IL1RAP: variants seen among roughly 807,000 people sequenced by gnomAD.
IL1RAP encodes the protein interleukin-1 receptor accessory protein.
IL1RAP carries 35 observed loss-of-function variants against 60.7 expected under a neutral mutation model. The observed-to-expected ratio is 0.58, with a 90% confidence interval of 0.44 to 0.76. The LOEUF (loss-of-function observed/expected upper bound fraction) is 0.76. IL1RAP is among the 30% of genes least tolerant of loss of function. The probability of loss-of-function intolerance (pLI) is 0.00; values close to 1 mark genes in which losing one functional copy is unlikely to be tolerated. For missense variants in IL1RAP, 572 were observed against 693.9 expected, an observed-to-expected ratio of 0.82 and a Z score of 1.97; for synonymous variants, 268 against 250.9, an observed-to-expected ratio of 1.07 and a Z score of -0.64.
At chr3:190,538,646 G>A (rs561822372) in intron 1 of IL1RAP, among the ~76,000 whole-genome samples, 2 of 152,236 alleles carry the variant, frequency 1.3e-5, no homozygotes, top group South Asian at 4.1e-4. Context: ...CATCATTGCT[G>A]TGGTTGGGTT....
intron 7 of IL1RAP, 140 bp downstream of exon 7, chr3:190,623,555 C>A: frequency 1.4e-6 from 1 of 691,812 alleles, no homozygotes; most frequent in Non-Finnish European, 2.5e-6. Flanking sequence ...GAAACCAAAG[C>A]AGCTGTGGAG....
chr3:190,589,229 G>A (rs1728733239), intron 3 of IL1RAP, among the ~76,000 whole-genome samples: 1 of 152,118 alleles, frequency 6.6e-6, no homozygotes, highest in South Asian at 2.1e-4. Flanking sequence ...TCCTTGGGAG[G>A]AGATACTGTT....
chr3:190,656,219 G>T, downstream of IL1RAP: 1 of 1,537,224 alleles, frequency 6.5e-7, no homozygotes, highest in Non-Finnish European at 8.7e-7. Flanking sequence ...AATGAGAGCT[G>T]CTCTTCCCAG....
At chr3:190,609,219 G>A in intron 5 of IL1RAP, 38 bp downstream of exon 5, 5 of 1,398,440 alleles carry the variant, frequency 3.6e-6, no homozygotes, top group Non-Finnish European at 4.9e-6. Context: ...CTCTCTAATG[G>A]CTTATAAAAT....
At chr3:190,577,349 A>T (rs1727582561) in intron 3 of IL1RAP, among the ~76,000 whole-genome samples, 1 of 152,084 alleles carries the variant, frequency 6.6e-6, no homozygotes, top group South Asian at 2.1e-4. Flanking sequence ...AGAACCAACT[A>T]TTCAATTTTT....
intron 1 of IL1RAP, among the ~76,000 whole-genome samples, chr3:190,543,723 T>C (rs1724136936): frequency 6.6e-6 from 1 of 152,172 alleles, no homozygotes; most frequent in Non-Finnish European, 1.5e-5. Flanking sequence ...TCTCTATTTG[T>C]ACCTGTGGTG....
chr3:190,586,391 T>A (rs569093550), intron 3 of IL1RAP, among the ~76,000 whole-genome samples: 91 of 152,300 alleles, frequency 6.0e-4, no homozygotes, highest in African/African-American at 2.2e-3. Flanking sequence ...AAGCCACAGT[T>A]CACCTTGCTT....
intron 3 of IL1RAP, among the ~76,000 whole-genome samples, chr3:190,582,010 A>C (rs530000554): frequency 5.1e-4 from 77 of 152,342 alleles, no homozygotes; most frequent in African/African-American, 1.8e-3. Flanking sequence ...GGAATAACAT[A>C]AGGAGGATAA....
At chr3:190,656,620 G>A (rs1338190613) in exon 12 of IL1RAP, 1 of 1,442,678 alleles carries the variant, frequency 6.9e-7, no homozygotes, top group African/African-American at 1.4e-5. Context: ...ACTGTGTGTG[G>A]TGGGTGGTGG....
At chr3:190,608,045 C>T (rs573998182) in intron 4 of IL1RAP, among the ~76,000 whole-genome samples, 16 of 152,262 alleles carry the variant, frequency 1.1e-4, no homozygotes, top group African/African-American at 3.6e-4. Flanking sequence ...ATAAATATGC[C>T]ATTCATGCCT....
intron 3 of IL1RAP, among the ~76,000 whole-genome samples, chr3:190,587,818 T>C (rs1728595419): frequency 6.6e-6 from 1 of 152,216 alleles, no homozygotes; most frequent in African/African-American, 2.4e-5. Context: ...GAGGACTGAC[T>C]CTGGAATCAG....
intron 11 of IL1RAP, among the ~76,000 whole-genome samples, chr3:190,647,039 G>T (rs766466335): frequency 3.4e-4 from 52 of 152,168 alleles, no homozygotes; most frequent in Non-Finnish European, 5.4e-4. Flanking sequence ...TCCAATAGGG[G>T]TTGATAATTC....
downstream of IL1RAP, among the ~76,000 whole-genome samples, chr3:190,655,649 G>C (rs1180593684): frequency 6.6e-6 from 1 of 151,248 alleles, no homozygotes; most frequent in East Asian, 2.0e-4. Context: ...TGCAATGAGG[G>C]TTTTGCAGTA....
intron 2 of IL1RAP, among the ~76,000 whole-genome samples, chr3:190,559,537 C>A (rs923869023): frequency 2.0e-5 from 3 of 152,118 alleles, no homozygotes; most frequent in African/African-American, 7.2e-5. Context: ...CCTCTAATCA[C>A]TACATTAGCT....
chr3:190,562,931 T>C (rs7619718), intron 2 of IL1RAP, among the ~76,000 whole-genome samples: 123,160 of 152,018 alleles, frequency 0.81, 49,926 homozygotes, highest in South Asian at 0.9. Flanking sequence ...AACAACAGCT[T>C]GTGATATGAC....
chr3:190,621,886 T>C (rs184997518), intron 6 of IL1RAP, among the ~76,000 whole-genome samples: 1 of 152,334 alleles, frequency 6.6e-6, no homozygotes, highest in East Asian at 1.9e-4. Flanking sequence ...TTGGAGCTCA[T>C]ACTTTTGAAG....
chr3:190,520,804 C>T (rs983357922), intron 1 of IL1RAP, among the ~76,000 whole-genome samples: 2 of 152,170 alleles, frequency 1.3e-5, no homozygotes, highest in African/African-American at 4.8e-5. Flanking sequence ...TCCTCCTCTG[C>T]CAATCAATGC....
chr3:190,627,215 T>G (rs1732367126), intron 7 of IL1RAP, 108 bp from the exon 8 acceptor site: 3 of 853,320 alleles, frequency 3.5e-6, no homozygotes, highest in African/African-American at 1.7e-5. Flanking sequence ...AATATAGCCA[T>G]GTGAAGGATA....
At chr3:190,647,935 G>T (rs1172308683) in intron 11 of IL1RAP, among the ~76,000 whole-genome samples, 1 of 152,078 alleles carries the variant, frequency 6.6e-6, no homozygotes, top group Non-Finnish European at 1.5e-5. Context: ...ATGGTGCATG[G>T]GTTTCTTTGG....
Sources: gnomAD v4.1 joint callset for allele counts (sites outside exome capture counted in the v4.1 genomes callset) on GRCh38, gnomAD v4.1.1 for gene constraint, MANE v1.5 for transcripts, NCBI Gene and HGNC (gene_info 2026-07-23, HGNC 2026-07-21) for gene names.